Variants in DPP10 observed in about 807,000 individuals in gnomAD.
DPP10 encodes inactive dipeptidyl peptidase 10.
DPP10 carries 33 observed loss-of-function variants against 120.9 expected under a neutral mutation model. That is an observed-to-expected ratio of 0.27 (90% CI 0.21 to 0.37). The LOEUF (loss-of-function observed/expected upper bound fraction) is 0.37. DPP10 is among the 10% of genes least tolerant of loss of function. DPP10 has a pLI of 1.00. For synonymous variants in DPP10, 337 were observed against 326.1 expected (o/e 1.03, Z -0.36); for missense variants, 816 against 942.8 (o/e 0.87, Z 1.76).
chr2:114,654,659 T>C (rs1250067955), intron 1 of DPP10, among the ~76,000 whole-genome samples: 1 of 152,206 alleles, frequency 6.6e-6, no homozygotes, highest in Non-Finnish European at 1.5e-5. Flanking sequence ...TTTTTTTCTT[T>C]TGAAAATTTT....
intron 1 of DPP10, among the ~76,000 whole-genome samples, chr2:115,248,280 C>G (rs2058619293): frequency 6.6e-6 from 1 of 152,184 alleles, no homozygotes; most frequent in African/African-American, 2.4e-5. Flanking sequence ...AGGAGAAGGG[C>G]TGGCAGAGGC....
chr2:115,296,835 A>T (rs1449526777), intron 1 of DPP10, among the ~76,000 whole-genome samples: 3 of 151,886 alleles, frequency 2.0e-5, no homozygotes, highest in Non-Finnish European at 4.4e-5. Context: ...TCTTTCATGC[A>T]TTCCTTCTTC....
At chr2:115,107,037 T>C (rs1192913494) in intron 1 of DPP10, among the ~76,000 whole-genome samples, 1 of 149,728 alleles carries the variant, frequency 6.7e-6, no homozygotes, top group Non-Finnish European at 1.5e-5. Flanking sequence ...ATCGAGCCAC[T>C]GCACTCCAGC....
chr2:115,678,829 G>C (rs1220971795), intron 5 of DPP10, among the ~76,000 whole-genome samples: 1 of 152,232 alleles, frequency 6.6e-6, no homozygotes, highest in Non-Finnish European at 1.5e-5. Context: ...AAGGTTGTGG[G>C]AGCCCACCTC....
At chr2:115,179,696 C>G (rs1482033395) in intron 1 of DPP10, among the ~76,000 whole-genome samples, 1 of 152,098 alleles carries the variant, frequency 6.6e-6, no homozygotes, top group East Asian at 1.9e-4. Flanking sequence ...GTCCTTAACT[C>G]CTCATATATT....
At chr2:115,698,774 G>A (rs929218038) in intron 7 of DPP10, among the ~76,000 whole-genome samples, 1 of 152,008 alleles carries the variant, frequency 6.6e-6, no homozygotes, top group African/African-American at 2.4e-5. Context: ...GTTATAAACT[G>A]CACTGTCTTT....
At chr2:115,729,808 GAGAGAGA>G (rs948040923) in intron 8 of DPP10, among the ~76,000 whole-genome samples, 53 of 3,356 alleles carry the variant, frequency 0.016, no homozygotes, top group Middle Eastern at 0.1. Context: ...AAAAGAGAGA[GAGAGAGA>G]AGAGAGAGAG....
At chr2:115,342,936 G>T (rs942742922) in intron 2 of DPP10, among the ~76,000 whole-genome samples, 9 of 152,176 alleles carry the variant, frequency 5.9e-5, no homozygotes, top group African/African-American at 1.9e-4. Flanking sequence ...TGTAACAAGT[G>T]CTGAACCTTT....
Position 114,927,501 on chromosome 2 carries a change from C to A in DPP10, c.61-381738C>A, listed in dbSNP as rs1695723067. Among the ~76,000 whole-genome samples the A allele has an allele frequency of 4.6e-5, 7 of 152,108 alleles. No homozygotes were observed. The South Asian group carries it at 1.4e-3, about 32-fold the overall frequency. ...AAGCCTCCCTCCCCACCCTGAGGGA[C>A]TTCTATGTCACAGGTGGATGAGACA... On this transcript the variant is annotated intron_variant, in intron 1 of 25. Coordinates refer to ENST00000410059, the MANE Select transcript of DPP10 (RefSeq NM_020868.6).
At chr2:114,637,799 G>A (rs922486620) in intron 1 of DPP10, among the ~76,000 whole-genome samples, 1 of 151,738 alleles carries the variant, frequency 6.6e-6, no homozygotes, top group Non-Finnish European at 1.5e-5. Context: ...GGCTGTATGT[G>A]TGCGGTCTTA....
chr2:114,701,418 T>C (rs958618153), intron 1 of DPP10, among the ~76,000 whole-genome samples: 1 of 152,122 alleles, frequency 6.6e-6, no homozygotes, highest in African/African-American at 2.4e-5. Flanking sequence ...CTAGCTATAA[T>C]TAAGCCCTTC....
At chr2:115,020,836 G>T (rs571827559) in intron 1 of DPP10, among the ~76,000 whole-genome samples, 1 of 151,986 alleles carries the variant, frequency 6.6e-6, no homozygotes. Flanking sequence ...GACCACAGTC[G>T]AATACAATTG....
At chr2:114,571,287 T>C (rs1240200753) in intron 1 of DPP10, among the ~76,000 whole-genome samples, 2 of 151,950 alleles carry the variant, frequency 1.3e-5, no homozygotes, top group African/African-American at 4.8e-5. Context: ...ATCTGGCTGT[T>C]TAAAAGTGTG....
At chr2:114,948,602 G>A (rs1217159915) in intron 1 of DPP10, among the ~76,000 whole-genome samples, 2 of 152,018 alleles carry the variant, frequency 1.3e-5, no homozygotes, top group Non-Finnish European at 2.9e-5. Flanking sequence ...TCAAAATGTA[G>A]ACTGAACCAC....
intron 1 of DPP10, among the ~76,000 whole-genome samples, chr2:114,626,698 C>G (rs921367309): frequency 1.3e-5 from 2 of 151,992 alleles, no homozygotes; most frequent in Non-Finnish European, 2.9e-5. Flanking sequence ...AGAAACTGCT[C>G]AGATCATTTT....
intron 1 of DPP10, among the ~76,000 whole-genome samples, chr2:115,232,486 A>G (rs1412292501): frequency 6.6e-6 from 1 of 152,198 alleles, no homozygotes; most frequent in Admixed American, 6.6e-5. Context: ...TTTTGAACTT[A>G]TACATGCTTC....
At position 115,147,389 on chromosome 2, in the gene DPP10, C is replaced by T. The variant is rs191098135; in HGVS notation, c.61-161850C>T. Among the ~76,000 whole-genome samples, 4 of 151,986 alleles carry T rather than the reference C, an allele frequency of 2.6e-5. No individual in the cohort carries two copies. The East Asian group carries it at 7.8e-4, about 29-fold the overall frequency. On this transcript the variant is annotated intron_variant, in intron 1 of 25. Transcript: ENST00000410059. ...ATTAAGGATATTAACAATAGAATTG[C>T]CTGTGTTCAAATCTCTGCTATGCTT...
intron 12 of DPP10, among the ~76,000 whole-genome samples, chr2:115,766,525 C>G (rs1195758733): frequency 6.6e-6 from 1 of 151,634 alleles, no homozygotes; most frequent in Non-Finnish European, 1.5e-5. Flanking sequence ...TACTTTTGCA[C>G]CAGTCTCATA....
At chr2:115,477,586 T>A (rs565235183) in intron 3 of DPP10, among the ~76,000 whole-genome samples, 1 of 152,154 alleles carries the variant, frequency 6.6e-6, no homozygotes, top group Non-Finnish European at 1.5e-5. Flanking sequence ...CAAAACAATA[T>A]ACACAGATTA....
Sources: gnomAD v4.1 joint callset for allele counts (sites outside exome capture counted in the v4.1 genomes callset) on GRCh38, gnomAD v4.1.1 for gene constraint, MANE v1.5 for transcripts, NCBI Gene and HGNC (gene_info 2026-07-23, HGNC 2026-07-21) for gene names.